Variants in SHANK2 observed in about 807,000 individuals in gnomAD.
SHANK2 encodes the protein SH3 and multiple ankyrin repeat domains 2.
SHANK2 carries 43 observed loss-of-function variants against 133.7 expected under a neutral mutation model. The ratio of observed to expected loss-of-function variants is 0.32; its 90% confidence interval spans 0.25 to 0.41. SHANK2 has a LOEUF of 0.41. SHANK2 is among the 10% of genes least tolerant of loss of function. The pLI is 1.00. For synonymous variants in SHANK2, 1,017 were observed against 952.8 expected, an observed-to-expected ratio of 1.07 and a Z score of -1.24; for missense variants, 1,994 against 2,235.8, an observed-to-expected ratio of 0.89 and a Z score of 2.18.
At chr11:71,107,639 C>T (rs1951821220) in intron 6 of SHANK2, among the ~76,000 whole-genome samples, 1 of 152,168 alleles carries the variant, frequency 6.6e-6, no homozygotes, top group Non-Finnish European at 1.5e-5. Context: ...GAACTTTTTG[C>T]TCTGGCACCA....
chr11:70,695,005 C>A (rs571327679), intron 15 of SHANK2, among the ~76,000 whole-genome samples: 4 of 152,264 alleles, frequency 2.6e-5, no homozygotes, highest in Admixed American at 2.6e-4. Flanking sequence ...TCAGGCTAAC[C>A]CTGCACCCGT....
intron 17 of SHANK2, among the ~76,000 whole-genome samples, chr11:70,644,992 C>T (rs568459474): frequency 2.0e-5 from 3 of 152,250 alleles, no homozygotes; most frequent in East Asian, 1.9e-4. Context: ...GAGGCTGAAG[C>T]GGGCAGATCA....
rs944031829 is a variant in SHANK2 at position 70,557,255 on chromosome 11, G to A, written c.2062-54324C>T. ...CTGTGTCCTGGGTGCTGGGAATGAA[G>A]CTATCAACTGGCCTCAGGATCTCAC... On this transcript the variant is annotated intron_variant, in intron 17 of 25. Coordinates refer to ENST00000601538, the MANE Select transcript of SHANK2 (RefSeq NM_012309.5). Among the ~76,000 whole-genome samples the A allele has an allele frequency of 3.9e-5, 6 of 152,250 alleles. 1 individual carries two copies. Among genetic ancestry groups the A allele is most frequent in the African/African-American group, 1.4e-4 (6 of 41,534 alleles).
intron 14 of SHANK2, among the ~76,000 whole-genome samples, chr11:70,701,587 G>C (rs571422995): frequency 6.6e-6 from 1 of 151,056 alleles, no homozygotes; most frequent in African/African-American, 2.4e-5. Context: ...TTTTTTTTTC[G>C]TAGAGACGGG....
Position 70,472,989 on chromosome 11 carries a change from A to G in SHANK2, c.5430T>C (p.Asn1810=). The G allele has an allele frequency of 1.2e-6, 2 of 1,614,198 alleles. No individual in the cohort carries two copies. Among genetic ancestry groups the G allele is most frequent in the Non-Finnish European group, 1.7e-6 (2 of 1,180,034 alleles). The change falls in exon 26 of 26, where the codon AAT becomes AAC. Residue 1810 remains asparagine (N), a synonymous_variant. Transcript: ENST00000601538. This position sits in a 1 kb window ranked among gnomAD's most constrained non-coding sequence, Gnocchi z 4.4. ...TTGGTAAGTGACTGCCATCGATCTCATTGTCCATGAAGGCCTCTTTATGTT... is the reference window on the plus strand; with the variant it reads ...TTGGTAAGTGACTGCCATCGATCTCGTTGTCCATGAAGGCCTCTTTATGTT... ...LGEHKEAFMD[N]EIDGSHLPNL... is the part of the protein sequence containing the mutation.
Position 70,844,792 on chromosome 11 carries a change from C to T in SHANK2, c.1175-24110G>A, listed in dbSNP as rs77693270. Reference sequence around the variant, plus strand: ...TTTACATTCCCAGGAGCGGAAATGCCAGGTCAAAAGGTCTGAGCGCCCCCA... The same window carrying T: ...TTTACATTCCCAGGAGCGGAAATGCTAGGTCAAAAGGTCTGAGCGCCCCCA... On this transcript the variant is annotated intron_variant, in intron 11 of 25. Coordinates refer to ENST00000601538, the MANE Select transcript of SHANK2 (RefSeq NM_012309.5). Among the ~76,000 whole-genome samples, 935 of 152,214 alleles carry T rather than the reference C, an allele frequency of 6.1e-3. 12 individuals are homozygous for T. The highest frequency in any genetic ancestry group is 0.022 in the African/African-American group (905 of 41,510).
At chr11:70,745,363 G>T (rs782289101) in intron 14 of SHANK2, among the ~76,000 whole-genome samples, 1 of 152,152 alleles carries the variant, frequency 6.6e-6, no homozygotes, top group Non-Finnish European at 1.5e-5. Flanking sequence ...GCCAGCCCTG[G>T]GTGCCCACAT....
chr11:71,111,684 T>C (rs1211264456), intron 5 of SHANK2, among the ~76,000 whole-genome samples: 4 of 152,228 alleles, frequency 2.6e-5, no homozygotes, highest in Non-Finnish European at 4.4e-5. Context: ...GTGCTAGATT[T>C]CCACCTGCCC....
chr11:70,793,375 C>T (rs191110527), intron 14 of SHANK2, among the ~76,000 whole-genome samples: 296 of 152,188 alleles, frequency 1.9e-3, no homozygotes, highest in Middle Eastern at 3.4e-3. Context: ...CCAATCCCCA[C>T]GTATACTGAG....
intron 2 of SHANK2, among the ~76,000 whole-genome samples, chr11:71,222,572 C>A (rs544579539): frequency 6.6e-6 from 1 of 152,206 alleles, no homozygotes; most frequent in Non-Finnish European, 1.5e-5. Flanking sequence ...AGCGCATGCA[C>A]GCCATGGTTG....
intron 17 of SHANK2, among the ~76,000 whole-genome samples, chr11:70,560,681 G>C (rs1554980650): frequency 6.6e-6 from 1 of 151,792 alleles, no homozygotes; most frequent in East Asian, 1.9e-4. Flanking sequence ...ACCCAGGCTG[G>C]AGCGCAGTGG....
chr11:70,582,235 C>G (rs1754484209), intron 17 of SHANK2, among the ~76,000 whole-genome samples: 1 of 152,256 alleles, frequency 6.6e-6, no homozygotes, highest in African/African-American at 2.4e-5. Flanking sequence ...GAGAAGGGGC[C>G]TGGCATTGGC....
intron 3 of SHANK2, among the ~76,000 whole-genome samples, chr11:71,139,299 C>G (rs1433996122): frequency 7.0e-6 from 1 of 142,430 alleles, no homozygotes; most frequent in Admixed American, 7.6e-5. Flanking sequence ...GCCACAGCCC[C>G]GTTCTATTTT....
intron 2 of SHANK2, among the ~76,000 whole-genome samples, chr11:71,154,617 T>C (rs1319816456): frequency 6.6e-6 from 1 of 152,214 alleles, no homozygotes; most frequent in East Asian, 1.9e-4. Flanking sequence ...GCAGACCTTC[T>C]GACACACTGC....
chr11:70,942,496 C>G (rs1484022532), intron 10 of SHANK2: 3 of 455,458 alleles, frequency 6.6e-6, no homozygotes, highest in African/African-American at 6.0e-5. Context: ...CCCCAGAACC[C>G]AAACACCTTC....
intron 11 of SHANK2, among the ~76,000 whole-genome samples, chr11:70,874,823 C>T (rs1949531082): frequency 1.3e-5 from 2 of 152,102 alleles, no homozygotes; most frequent in African/African-American, 4.8e-5. Context: ...AGTTACTGTG[C>T]CCTCATGTCT....
intron 2 of SHANK2, among the ~76,000 whole-genome samples, chr11:71,149,766 GTAGATGGA>G (rs1952729479): frequency 7.7e-6 from 1 of 129,950 alleles, no homozygotes; most frequent in African/African-American, 3.2e-5. Context: ...AGGGAAGGAG[GTAGATGGA>G]TGGATGGATG....
intron 3 of SHANK2, among the ~76,000 whole-genome samples, chr11:71,135,435 T>C (rs1952418164): frequency 6.6e-6 from 1 of 151,176 alleles, no homozygotes; most frequent in Non-Finnish European, 1.5e-5. Flanking sequence ...AAGAATCCAC[T>C]GACTTGCACA....
At chr11:71,151,228 G>A (rs1169140047) in intron 2 of SHANK2, among the ~76,000 whole-genome samples, 1 of 152,084 alleles carries the variant, frequency 6.6e-6, no homozygotes. Context: ...GGGGCCCTGT[G>A]AGTGTTCAGG....
Sources: allele counts gnomAD v4.1 joint callset (sites outside exome capture counted in the v4.1 genomes callset), GRCh38; gene constraint gnomAD v4.1.1; non-coding constraint Gnocchi (gnomAD v3.1); transcripts MANE v1.5; gene names NCBI Gene and HGNC (gene_info 2026-07-23, HGNC 2026-07-21).